Variants in SREK1IP1 observed in about 807,000 individuals in gnomAD.
SREK1IP1 encodes the protein protein SREK1IP1.
SREK1IP1 carries 12 observed loss-of-function variants against 22.8 expected under a neutral mutation model. The observed-to-expected ratio is 0.53, with a 90% CI of 0.34 to 0.85. SREK1IP1 has a LOEUF of 0.85. SREK1IP1 is among the 40% of genes least tolerant of loss of function. SREK1IP1 has a pLI of 0.02. For synonymous variants in SREK1IP1, 53 were observed against 52.7 expected (o/e 1.01, Z -0.02); for missense variants, 147 against 171.8 (o/e 0.86, Z 0.81).
chr5:64,740,001 A>G lies in SREK1IP1; in HGVS notation c.205+1056T>C, dbSNP rs1051543377. ...ATTCCTTGTCTAAGATTATATTCAA[A>G]TAAGTTATATTTTATTTCAGAGTGA... On this transcript the variant is annotated intron_variant, in intron 3 of 4. Coordinates refer to ENST00000513458, the MANE Select transcript of SREK1IP1 (RefSeq NM_173829.4). Among the ~76,000 whole-genome samples, 16 of 152,298 alleles carry G rather than the reference A, an allele frequency of 1.1e-4. 1 individual carries two copies. The highest frequency in any genetic ancestry group is 6.2e-4 in the South Asian group (3 of 4,830).
At chr5:64,765,668 T>C (rs556526877) in intron 1 of SREK1IP1, among the ~76,000 whole-genome samples, 162 of 152,368 alleles carry the variant, frequency 1.1e-3, no homozygotes, top group African/African-American at 3.8e-3. Context: ...TCTAGCTTAA[T>C]GGCACAATTT....
rs1432465301 is a variant in SREK1IP1 at position 64,718,867 on chromosome 5, G to C, written c.*5517C>G. The C allele has an allele frequency of 6.6e-6, 1 of 152,148 alleles. No individual in the cohort carries two copies. The highest frequency in any genetic ancestry group is 2.4e-5 in the African/African-American group (1 of 41,442). 9.4% of individuals were successfully genotyped at this position (152,148 alleles called of 1,614,324 possible). ...CTATGTCCTGTAGTTTTTGTAGTCA[G>C]AAACTAGCATTTCAGACAAGATCTG... On this transcript the variant is annotated 3_prime_UTR_variant, in exon 5 of 5. Transcript: ENST00000513458.
At chr5:64,724,636 G>A in intron 4 of SREK1IP1, 63 bp from the exon 5 acceptor site, 1 of 1,271,566 alleles carries the variant, frequency 7.9e-7, no homozygotes, top group Non-Finnish European at 1.1e-6. Flanking sequence ...AATTTAAGTG[G>A]GATTTGAACT....
chr5:64,719,987 C>G lies in SREK1IP1; in HGVS notation c.*4397G>C, dbSNP rs564760482. 1 of 152,310 alleles carries G rather than the reference C, an allele frequency of 6.6e-6. No individual in the cohort carries two copies. Among genetic ancestry groups the G allele is most frequent in the Non-Finnish European group, 1.5e-5 (1 of 68,028 alleles). The allele number at this position is 152,310 out of a possible 1,614,324, so 9.4% of individuals were successfully genotyped here. A position where few individuals can be genotyped will look rare whatever the true frequency, so the allele number is the denominator to read the frequency against. On this transcript the variant is annotated 3_prime_UTR_variant, in exon 5 of 5. Coordinates refer to ENST00000513458, the MANE Select transcript of SREK1IP1 (RefSeq NM_173829.4). Reference sequence around the variant, plus strand: ...GCTGAGCTAGCTTATCACTAGGTTACCTGAGGTAGAACCACAGGGCTCATC... The same window carrying G: ...GCTGAGCTAGCTTATCACTAGGTTAGCTGAGGTAGAACCACAGGGCTCATC...
chr5:64,729,832 G>T (rs1580538421), intron 3 of SREK1IP1, among the ~76,000 whole-genome samples: 1 of 152,162 alleles, frequency 6.6e-6, no homozygotes, highest in East Asian at 1.9e-4. Context: ...GACAATTGTG[G>T]GTGGGAAGTA....
chr5:64,746,954 A>T (rs892138255), intron 2 of SREK1IP1, among the ~76,000 whole-genome samples: 8 of 152,182 alleles, frequency 5.3e-5, no homozygotes, highest in African/African-American at 1.9e-4. Flanking sequence ...GGCTCACAGA[A>T]CTCAGCAAAA....
At chr5:64,756,963 T>C (rs1269349121) in intron 1 of SREK1IP1, among the ~76,000 whole-genome samples, 1 of 152,208 alleles carries the variant, frequency 6.6e-6, no homozygotes, top group Non-Finnish European at 1.5e-5. Flanking sequence ...AATGGAGATA[T>C]AATCCTAACT....
intron 3 of SREK1IP1, among the ~76,000 whole-genome samples, 188 bp from the exon 4 acceptor site, chr5:64,728,367 T>C (rs1454211702): frequency 1.3e-5 from 2 of 152,188 alleles, no homozygotes; most frequent in African/African-American, 4.8e-5. Flanking sequence ...TAAATGTTTT[T>C]TATAAACATT....
In SREK1IP1 at chr5:64,719,556, T is replaced by C. The variant is rs1742121416; in HGVS notation, c.*4828A>G. 6.6e-6 allele frequency: 1 copy of C among 152,194 alleles called. No homozygotes were observed. Among genetic ancestry groups the C allele is most frequent in the African/African-American group, 2.4e-5 (1 of 41,442 alleles). 9.4% of individuals were successfully genotyped at this position (152,194 alleles called of 1,614,324 possible). ...ACAGTAATTTAATAATATTACCATA[T>C]TGTCTCAGGTGAAAATCTAGGTTGA... On this transcript the variant is annotated 3_prime_UTR_variant, in exon 5 of 5. Transcript: ENST00000513458.
At chr5:64,768,346 G>C (rs1164413083) in intron 1 of SREK1IP1, among the ~76,000 whole-genome samples, 159 bp downstream of exon 1, 1 of 152,166 alleles carries the variant, frequency 6.6e-6, no homozygotes, top group Non-Finnish European at 1.5e-5. Flanking sequence ...GTTTATGTTT[G>C]GAGTGTAAAC....
At chr5:64,749,480 A>G (rs573764103) in intron 2 of SREK1IP1, among the ~76,000 whole-genome samples, 2 of 151,102 alleles carry the variant, frequency 1.3e-5, no homozygotes, top group African/African-American at 4.9e-5. Flanking sequence ...TCTGTTACCC[A>G]GGCAGGAGTG....
At chr5:64,766,824 C>T (rs2112121823) in intron 1 of SREK1IP1, among the ~76,000 whole-genome samples, 1 of 152,308 alleles carries the variant, frequency 6.6e-6, no homozygotes, top group South Asian at 2.1e-4. Context: ...AATATTAATA[C>T]TCATTTCACA....
chr5:64,736,974 C>A (rs960919516), intron 3 of SREK1IP1, among the ~76,000 whole-genome samples: 23 of 150,982 alleles, frequency 1.5e-4, no homozygotes, highest in African/African-American at 5.6e-4. Context: ...AACATGCCCC[C>A]AAAAAGTTAT....
At chr5:64,739,381 G>C (rs1742516741) in intron 3 of SREK1IP1, among the ~76,000 whole-genome samples, 1 of 152,044 alleles carries the variant, frequency 6.6e-6, no homozygotes, top group African/African-American at 2.4e-5. Flanking sequence ...GTGATGAAGG[G>C]AAGTCATCTG....
At chr5:64,727,675 GCTGGGAAC>G (rs1742299610) in intron 4 of SREK1IP1, 1 of 151,590 alleles carries the variant, frequency 6.6e-6, no homozygotes, top group Admixed American at 6.6e-5. Flanking sequence ...CTTCCACATA[GCTGGGAAC>G]ACAGGTACAT....
intron 2 of SREK1IP1, among the ~76,000 whole-genome samples, chr5:64,750,108 C>A (rs1742715212): frequency 6.6e-6 from 1 of 152,158 alleles, no homozygotes; most frequent in African/African-American, 2.4e-5. Context: ...ATTGAATGGA[C>A]AGCCTAGGTT....
chr5:64,757,453 A>G (rs925593792), intron 1 of SREK1IP1, among the ~76,000 whole-genome samples: 22 of 152,230 alleles, frequency 1.4e-4, no homozygotes, highest in African/African-American at 5.1e-4. Flanking sequence ...TAAAAATGCA[A>G]GTATTGTTCT....
chr5:64,734,220 A>G (rs868280484), intron 3 of SREK1IP1, among the ~76,000 whole-genome samples: 1 of 152,104 alleles, frequency 6.6e-6, no homozygotes. Context: ...TCACATATGT[A>G]TGGGTCTATT....
intron 1 of SREK1IP1, among the ~76,000 whole-genome samples, chr5:64,761,880 A>C (rs1438187490): frequency 1.4e-5 from 1 of 69,286 alleles, no homozygotes; most frequent in East Asian, 7.7e-4. Context: ...GCACAAAAGA[A>C]AAAAAATTTT....
Sources: gnomAD v4.1 joint callset for allele counts (sites outside exome capture counted in the v4.1 genomes callset) on GRCh38, gnomAD v4.1.1 for gene constraint, MANE v1.5 for transcripts, NCBI Gene and HGNC (gene_info 2026-07-23, HGNC 2026-07-21) for gene names.